The following ARPP21 variants were observed in gnomAD, a reference collection of about 807,000 sequenced individuals.
ARPP21 encodes the protein cAMP regulated phosphoprotein 21.
ARPP21 carries 69 observed loss-of-function variants against 113.2 expected under a neutral mutation model. The ratio of observed to expected loss-of-function variants is 0.61; its 90% CI spans 0.50 to 0.74. The LOEUF is 0.74. Ranked by LOEUF, ARPP21 falls within the 30% of genes least tolerant of loss-of-function variation. The pLI is 0.00. For synonymous variants in ARPP21, 368 were observed against 375.5 expected (o/e 0.98, Z 0.23); for missense variants, 1,070 against 1,037.4 (o/e 1.03, Z -0.43).
At chr3:35,679,490 TA>T (rs1479446016) in intron 1 of ARPP21, 1 of 151,486 alleles carries the variant, frequency 6.6e-6, no homozygotes, top group Non-Finnish European at 1.5e-5. Flanking sequence ...TTTTTTTTTT[TA>T]ATACAAAGTG....
At chr3:35,682,674 G>A (rs2079275944) in intron 3 of ARPP21, among the ~76,000 whole-genome samples, 174 bp from the exon 4 acceptor site, 1 of 151,646 alleles carries the variant, frequency 6.6e-6, no homozygotes, top group Non-Finnish European at 1.5e-5. Context: ...AGCTAGGGAA[G>A]GAGGAGTCCT....
chr3:35,712,560 G>C (rs528374700), intron 11 of ARPP21, among the ~76,000 whole-genome samples: 6 of 146,714 alleles, frequency 4.1e-5, no homozygotes, highest in Admixed American at 2.0e-4. Context: ...GTGTGTGTGT[G>C]TGAAAGAGAG....
intron 19 of ARPP21, among the ~76,000 whole-genome samples, chr3:35,791,476 A>G (rs944708249): frequency 1.3e-5 from 2 of 152,134 alleles, no homozygotes; most frequent in Non-Finnish European, 2.9e-5. Flanking sequence ...CCACTGTGTC[A>G]TTTTCACCTA....
intron 19 of ARPP21, among the ~76,000 whole-genome samples, chr3:35,780,591 G>A (rs2096499925): frequency 6.6e-6 from 1 of 152,082 alleles, no homozygotes; most frequent in South Asian, 2.1e-4. Flanking sequence ...AAAAAATAAT[G>A]AGTGGGCTAA....
chr3:35,684,166 C>T, intron 5 of ARPP21: 8 of 1,386,156 alleles, frequency 5.8e-6, no homozygotes, highest in Non-Finnish European at 7.5e-6. Flanking sequence ...ATCCTCTCTC[C>T]TTCCTTGTTG....
At chr3:35,670,397 T>C (rs959638036) in intron 1 of ARPP21, among the ~76,000 whole-genome samples, 5 of 151,902 alleles carry the variant, frequency 3.3e-5, no homozygotes, top group Admixed American at 3.3e-4. Flanking sequence ...AAAAGGAATA[T>C]CAGATAAAGT....
intron 19 of ARPP21, among the ~76,000 whole-genome samples, chr3:35,758,796 G>A (rs2095660854): frequency 6.6e-6 from 1 of 151,888 alleles, no homozygotes; most frequent in African/African-American, 2.4e-5. Context: ...TCTCATTAGT[G>A]CCTTTAGCTG....
intron 17 of ARPP21, 135 bp downstream of exon 17, chr3:35,738,453 C>A (rs902789607): frequency 1.1e-5 from 7 of 650,012 alleles, no homozygotes; most frequent in Non-Finnish European, 1.6e-5. Context: ...GCGAATGTCT[C>A]ATTTCTGAAC....
At chr3:35,707,204 T>G (rs759395777) in intron 10 of ARPP21, 122 bp downstream of exon 10, 75 of 722,004 alleles carry the variant, frequency 1.0e-4, no homozygotes, top group Non-Finnish European at 1.7e-4. Context: ...CTGATACCAC[T>G]GTCCTATCTC....
chr3:35,752,528 A>G (rs1360158334), intron 19 of ARPP21, among the ~76,000 whole-genome samples: 1 of 152,076 alleles, frequency 6.6e-6, no homozygotes, highest in Non-Finnish European at 1.5e-5. Context: ...GCCTCTGAAG[A>G]TTCGTAAAAA....
In ARPP21 at chr3:35,675,393, C is replaced by A. The variant is rs531362424; in HGVS notation, c.-212-4394C>A. ...TTATTTTCTAGCATGGGAGCAGAGC[C>A]TTTGGCTTCTTTCTCTGTGACATTG... On this transcript the variant is annotated intron_variant, in intron 1 of 20. Coordinates refer to ENST00000684406, the MANE Select transcript of ARPP21 (RefSeq NM_001385562.1). Among the ~76,000 whole-genome samples, 13 of 151,900 alleles carry A rather than the reference C, an allele frequency of 8.6e-5. No individual in the cohort carries two copies. In the South Asian group the frequency reaches 2.7e-3, roughly 32 times the overall value.
At chr3:35,765,372 C>T (rs2095930226) in intron 19 of ARPP21, among the ~76,000 whole-genome samples, 1 of 152,040 alleles carries the variant, frequency 6.6e-6, no homozygotes, top group African/African-American at 2.4e-5. Flanking sequence ...AGTTAAGAAG[C>T]TCAGCTAAGA....
intron 19 of ARPP21, chr3:35,784,834 A>G (rs890383892): frequency 6.6e-6 from 1 of 152,132 alleles, no homozygotes; most frequent in African/African-American, 2.4e-5. Context: ...TTGCTTATGA[A>G]ATAATTTCTT....
chr3:35,658,395 A>C (rs928230321), intron 1 of ARPP21, among the ~76,000 whole-genome samples: 13 of 152,114 alleles, frequency 8.5e-5, no homozygotes, highest in Non-Finnish European at 1.5e-5. Flanking sequence ...CATTTTGTAC[A>C]TGAAATAATG....
At chr3:35,675,790 T>TAAGATG (rs2077333233) in intron 1 of ARPP21, among the ~76,000 whole-genome samples, 1 of 131,612 alleles carries the variant, frequency 7.6e-6, no homozygotes. Flanking sequence ...CAGGTACTGC[T>TAAGATG]AAGATGAAGA....
intron 1 of ARPP21, among the ~76,000 whole-genome samples, chr3:35,648,139 C>T (rs1189428930): frequency 6.6e-6 from 1 of 152,072 alleles, no homozygotes; most frequent in Admixed American, 6.5e-5. Context: ...ATATTGAAGG[C>T]CAAGCCAAGG....
At chr3:35,713,653 C>G (rs1411189550) in intron 11 of ARPP21, among the ~76,000 whole-genome samples, 5 of 152,106 alleles carry the variant, frequency 3.3e-5, no homozygotes, top group Non-Finnish European at 7.4e-5. Flanking sequence ...CTTGGCCTCC[C>G]AAAGTGCTGG....
chr3:35,696,026 A>G (rs981709518), intron 9 of ARPP21, among the ~76,000 whole-genome samples: 4 of 151,488 alleles, frequency 2.6e-5, no homozygotes, highest in Non-Finnish European at 4.4e-5. Context: ...AAATATGGAG[A>G]GAATGATATT....
At chr3:35,717,061 T>A (rs149671922) in intron 12 of ARPP21, among the ~76,000 whole-genome samples, 1 of 152,054 alleles carries the variant, frequency 6.6e-6, no homozygotes, top group East Asian at 1.9e-4. Context: ...CCTCTTCTAT[T>A]CCCTCTGCTT....
Sources: gnomAD v4.1 joint callset for allele counts (sites outside exome capture counted in the v4.1 genomes callset) on GRCh38, gnomAD v4.1.1 for gene constraint, MANE v1.5 for transcripts, NCBI Gene and HGNC (gene_info 2026-07-23, HGNC 2026-07-21) for gene names.